Variants in REEP3 observed in about 807,000 individuals in gnomAD.
REEP3 encodes the protein receptor accessory protein 3.
REEP3 carries 20 observed loss-of-function variants against 41.3 expected under a neutral mutation model. The ratio of observed to expected loss-of-function variants is 0.48; its 90% CI spans 0.34 to 0.70. The LOEUF is 0.70. REEP3 is among the 30% of genes least tolerant of loss of function. The pLI, the probability that REEP3 is intolerant of heterozygous loss-of-function variation, is 0.01. For synonymous variants in REEP3, 104 were observed against 101.8 expected, an observed-to-expected ratio of 1.02 and a Z score of -0.13; for missense variants, 271 against 308.8, an observed-to-expected ratio of 0.88 and a Z score of 0.92.
At chr10:63,572,937 T>G (rs574559466) in intron 2 of REEP3, among the ~76,000 whole-genome samples, 5 of 152,350 alleles carry the variant, frequency 3.3e-5, no homozygotes, top group Admixed American at 6.5e-5. Context: ...TTTACCAGCT[T>G]TGATTCTGCT....
chr10:63,532,142 A>G (rs981830102), intron 1 of REEP3, among the ~76,000 whole-genome samples: 2 of 152,214 alleles, frequency 1.3e-5, no homozygotes, highest in African/African-American at 4.8e-5. Context: ...TAGAATACAG[A>G]GCTGAAGGTT....
chr10:63,549,181 G>A (rs1043526657), intron 1 of REEP3, among the ~76,000 whole-genome samples: 3 of 152,166 alleles, frequency 2.0e-5, no homozygotes, highest in African/African-American at 4.8e-5. Context: ...CCTAGTGTAG[G>A]TAGTCTAATA....
At chr10:63,556,296 A>G (rs1204405888) in intron 1 of REEP3, among the ~76,000 whole-genome samples, 1 of 143,782 alleles carries the variant, frequency 7.0e-6, no homozygotes, top group South Asian at 2.2e-4. Flanking sequence ...TTTTTTTTGT[A>G]TCTTTAGTAG....
intron 1 of REEP3, among the ~76,000 whole-genome samples, chr10:63,536,766 A>G (rs1221947410): frequency 6.6e-6 from 1 of 152,242 alleles, no homozygotes; most frequent in Non-Finnish European, 1.5e-5. Flanking sequence ...GACAAAACTC[A>G]TTAGTTTTCA....
intron 2 of REEP3, among the ~76,000 whole-genome samples, chr10:63,583,535 G>A (rs977601813): frequency 6.6e-6 from 1 of 152,136 alleles, no homozygotes; most frequent in Non-Finnish European, 1.5e-5. Context: ...TTGGTGGCTC[G>A]GTTAATGTCC....
chr10:63,623,158 C>T lies in REEP3; in HGVS notation c.*2289C>T, dbSNP rs1486921509. 6.6e-6 allele frequency: 1 copy of T among 152,166 alleles called. No homozygotes were observed. The highest frequency in any genetic ancestry group is 2.4e-5 in the African/African-American group (1 of 41,444). 9.4% of individuals were successfully genotyped at this position (152,166 alleles called of 1,614,324 possible). A position where few individuals can be genotyped will look rare whatever the true frequency, so the allele number is the denominator to read the frequency against. On this transcript the variant is annotated 3_prime_UTR_variant, in exon 8 of 8. Coordinates refer to ENST00000373758, the MANE Select transcript of REEP3 (RefSeq NM_001001330.3). ...TAGTCTCAAAGAGGTAGTACAAGTC[C>T]TGTTTAACTGCACTTTTTCACATTC...
intron 2 of REEP3, among the ~76,000 whole-genome samples, chr10:63,589,486 C>G (rs1298252770): frequency 1.3e-5 from 2 of 152,152 alleles, no homozygotes; most frequent in African/African-American, 4.8e-5. Flanking sequence ...CATGAGGTCA[C>G]AATATTTGTT....
At chr10:63,539,827 A>T (rs1422794114) in intron 1 of REEP3, among the ~76,000 whole-genome samples, 1 of 152,162 alleles carries the variant, frequency 6.6e-6, no homozygotes, top group Admixed American at 6.5e-5. Flanking sequence ...TGGCACCTGG[A>T]CATACTTTTT....
chr10:63,600,693 A>G (rs1956164355), intron 5 of REEP3, among the ~76,000 whole-genome samples: 1 of 152,242 alleles, frequency 6.6e-6, no homozygotes, highest in Admixed American at 6.5e-5. Flanking sequence ...AAGAAATAAT[A>G]CAATAATATT....
rs1205851895 is a variant in REEP3 at position 63,612,346 on chromosome 10, AT to A, written c.565+2018del. Among the ~76,000 whole-genome samples, 3 of 151,548 alleles carry A rather than the reference AT, an allele frequency of 2.0e-5. No individual in the cohort carries two copies. The East Asian group carries it at 5.8e-4, about 29-fold the overall frequency. On this transcript the variant is annotated intron_variant, in intron 6 of 7. Coordinates refer to ENST00000373758, the MANE Select transcript of REEP3 (RefSeq NM_001001330.3). ...ACCACCATGCCCTGCTAATTTTTCC[AT>A]TTTTTGTAGAGACGGGGCTTCACCA...
intron 1 of REEP3, among the ~76,000 whole-genome samples, chr10:63,524,524 A>T (rs1364347122): frequency 4.7e-5 from 7 of 150,458 alleles, no homozygotes; most frequent in Non-Finnish European, 8.9e-5. Flanking sequence ...TGCAACCTCC[A>T]CCTCCCAATT....
intron 6 of REEP3, among the ~76,000 whole-genome samples, chr10:63,613,441 A>G (rs1180361884): frequency 6.6e-6 from 1 of 152,246 alleles, no homozygotes; most frequent in Non-Finnish European, 1.5e-5. Flanking sequence ...TATAAGAAAG[A>G]TATTTGTTCA....
At chr10:63,610,587 A>G (rs1347636553) in intron 6 of REEP3, among the ~76,000 whole-genome samples, 1 of 152,150 alleles carries the variant, frequency 6.6e-6, no homozygotes, top group Non-Finnish European at 1.5e-5. Flanking sequence ...ATTAAAATAT[A>G]TATATATACA....
chr10:63,564,030 A>G (rs1195450799), intron 1 of REEP3, among the ~76,000 whole-genome samples: 2 of 152,216 alleles, frequency 1.3e-5, no homozygotes, highest in Admixed American at 1.3e-4. Context: ...AGAATAGAGA[A>G]AGGAGACTAG....
At chr10:63,545,992 A>G (rs933148428) in intron 1 of REEP3, among the ~76,000 whole-genome samples, 2 of 152,184 alleles carry the variant, frequency 1.3e-5, no homozygotes, top group African/African-American at 4.8e-5. Flanking sequence ...AGCCACACAG[A>G]TTCTGGGGAA....
intron 1 of REEP3, among the ~76,000 whole-genome samples, chr10:63,563,765 CAAGATTA>C (rs1474696773): frequency 6.6e-6 from 1 of 151,912 alleles, no homozygotes; most frequent in African/African-American, 2.4e-5. Flanking sequence ...GCATGGTGGT[CAAGATTA>C]ACAGCAGTGA....
At chr10:63,534,976 C>T (rs1189046582) in intron 1 of REEP3, among the ~76,000 whole-genome samples, 2 of 152,220 alleles carry the variant, frequency 1.3e-5, no homozygotes, top group African/African-American at 4.8e-5. Context: ...CCATCACTGT[C>T]ACTTGGCTTC....
chr10:63,609,453 A>G (rs1352054221), intron 5 of REEP3, among the ~76,000 whole-genome samples: 5 of 116,934 alleles, frequency 4.3e-5, no homozygotes, highest in South Asian at 2.6e-4. Context: ...CTCTGTCTCA[A>G]AAAAAAAAAA....
intron 2 of REEP3, among the ~76,000 whole-genome samples, chr10:63,594,227 A>G (rs76860255): frequency 6.7e-5 from 6 of 89,158 alleles, no homozygotes; most frequent in African/African-American, 2.6e-4. Flanking sequence ...AAAAAAAAAA[A>G]CCAAAAAAAA....
Sources: gnomAD v4.1 joint callset for allele counts (sites outside exome capture counted in the v4.1 genomes callset) on GRCh38, gnomAD v4.1.1 for gene constraint, MANE v1.5 for transcripts, NCBI Gene and HGNC (gene_info 2026-07-23, HGNC 2026-07-21) for gene names.